Variants in TENM2 observed in about 807,000 individuals in gnomAD.
TENM2 encodes the protein teneurin transmembrane protein 2, also known as teneurin-2.
Under a neutral mutation model 245.2 loss-of-function variants are expected in TENM2, and 52 were observed. That is an observed-to-expected ratio of 0.21 (90% CI 0.17 to 0.27). The LOEUF is 0.27. Ranked by LOEUF, TENM2 falls within the 10% of genes least tolerant of loss-of-function variation. TENM2 has a pLI of 1.00. For synonymous variants in TENM2, 1,363 were observed against 1,438.9 expected, an observed-to-expected ratio of 0.95 and a Z score of 1.19; for missense variants, 3,046 against 3,666.8, an observed-to-expected ratio of 0.83 and a Z score of 4.37.
intron 2 of TENM2, among the ~76,000 whole-genome samples, chr5:167,860,453 G>A (rs1184116696): frequency 8.6e-4 from 104 of 120,414 alleles, no homozygotes; most frequent in East Asian, 3.5e-3. Flanking sequence ...CAGCCGCCCC[G>A]TCCGGGAGGT....
rs545676546 is a variant in TENM2, at chr5:167,584,668, C to T, written c.502+209195C>T. ...CCCTACCCCTCCAGACCGTATTCTC[C>T]CGCCTCACACCTAAGCTTTCTTTAC... is the stretch of plus-strand genomic sequence containing the variant. On this transcript the variant is annotated intron_variant, in intron 2 of 28. Coordinates refer to ENST00000518659, the Ensembl canonical transcript of TENM2. Among the ~76,000 whole-genome samples the T allele has an allele frequency of 3.3e-5, 5 of 151,740 alleles. No individual in the cohort carries two copies. The South Asian group carries it at 1.0e-3, about 32-fold the overall frequency.
the TENM2 span, among the ~76,000 whole-genome samples, chr5:167,108,780 T>A: frequency 6.6e-6 from 1 of 152,216 alleles, no homozygotes; most frequent in Non-Finnish European, 1.5e-5. Context: ...GTAGCCATTT[T>A]TAAATCAGTA....
intron 2 of TENM2, among the ~76,000 whole-genome samples, chr5:167,824,482 AG>A (rs1449729670): frequency 6.6e-6 from 1 of 152,166 alleles, no homozygotes; most frequent in African/African-American, 2.4e-5. Context: ...TTTTTTTAAG[AG>A]AACTGGCCTG....
At chr5:166,985,497 G>T in the TENM2 span, among the ~76,000 whole-genome samples, 1 of 152,008 alleles carries the variant, frequency 6.6e-6, no homozygotes, top group Non-Finnish European at 1.5e-5. Context: ...TATTAGAAAA[G>T]CATTTCACAG....
In TENM2 at chr5:167,293,786, T is replaced by A. The variant is rs185111978; in HGVS notation, c.226+8723T>A. Among the ~76,000 whole-genome samples, 1,171 of 152,264 alleles carry A rather than the reference T, an allele frequency of 7.7e-3. 16 individuals carry two copies. The highest frequency in any genetic ancestry group is 0.026 in the African/African-American group (1,066 of 41,546). On this transcript the variant is annotated intron_variant, in intron 1 of 28. Coordinates refer to ENST00000518659, the Ensembl canonical transcript of TENM2. The stretch of plus-strand genomic sequence containing the variant: ...TGCAACAAAAATTTGGATTTTTTTT[T>A]AAAATTTGTTAGATTCCTGCCTATG...
the TENM2 span, among the ~76,000 whole-genome samples, chr5:167,263,454 G>A: frequency 3.9e-5 from 6 of 152,188 alleles, no homozygotes; most frequent in Non-Finnish European, 7.3e-5. Flanking sequence ...AGCTGAGGAA[G>A]CAGAGAATTC....
intron 4 of TENM2, among the ~76,000 whole-genome samples, chr5:167,980,684 T>G (rs1428017926): frequency 6.6e-6 from 1 of 152,194 alleles, no homozygotes; most frequent in Non-Finnish European, 1.5e-5. Flanking sequence ...AGGAAATGAC[T>G]GACTCCTGTG....
intron 2 of TENM2, among the ~76,000 whole-genome samples, chr5:167,742,142 T>C (rs1761219980): frequency 6.6e-6 from 1 of 152,210 alleles, no homozygotes; most frequent in Non-Finnish European, 1.5e-5. Flanking sequence ...AGTTTTCTTA[T>C]GCTGAGCTTT....
At chr5:168,074,403 A>G (rs1237526247) in intron 7 of TENM2, among the ~76,000 whole-genome samples, 2 of 152,188 alleles carry the variant, frequency 1.3e-5, no homozygotes, top group Non-Finnish European at 2.9e-5. Flanking sequence ...ATGCTTTCCT[A>G]TTATGACAAA....
At chr5:167,022,949 T>C in the TENM2 span, among the ~76,000 whole-genome samples, 1 of 152,236 alleles carries the variant, frequency 6.6e-6, no homozygotes, top group Non-Finnish European at 1.5e-5. Context: ...TAGTAAAGAC[T>C]AAAGCACAAC....
intron 5 of TENM2, among the ~76,000 whole-genome samples, chr5:168,023,383 G>C (rs1786329836): frequency 1.3e-5 from 2 of 152,326 alleles, no homozygotes; most frequent in South Asian, 4.1e-4. Context: ...GTGATGGGAA[G>C]ATGAGCGCCT....
chr5:167,555,107 A>G lies in TENM2; in HGVS notation c.502+179634A>G, dbSNP rs1441358842. On this transcript the variant is annotated intron_variant, in intron 2 of 28. Transcript: ENST00000518659. Reference sequence around the variant, plus strand: ...CGCGTGCACGCACACACACACATGCATACACACATGCACACACAAACACAC... The same window carrying G: ...CGCGTGCACGCACACACACACATGCGTACACACATGCACACACAAACACAC... Among the ~76,000 whole-genome samples, 3 of 152,194 alleles carry G rather than the reference A, an allele frequency of 2.0e-5. 1 individual carries two copies. The highest frequency in any genetic ancestry group is 1.3e-4 in the Admixed American group (2 of 15,276).
At chr5:168,091,884 C>T (rs1036313406) in intron 8 of TENM2, among the ~76,000 whole-genome samples, 1 of 152,204 alleles carries the variant, frequency 6.6e-6, no homozygotes, top group Admixed American at 6.5e-5. Context: ...GGGCAATTCA[C>T]TTATCTCTCT....
At chr5:167,731,132 T>C (rs1760397619) in intron 2 of TENM2, among the ~76,000 whole-genome samples, 1 of 152,012 alleles carries the variant, frequency 6.6e-6, no homozygotes, top group African/African-American at 2.4e-5. Context: ...ATCTTTCACG[T>C]TTTATATTAA....
intron 7 of TENM2, among the ~76,000 whole-genome samples, chr5:168,073,707 C>T (rs892672225): frequency 6.6e-6 from 1 of 152,204 alleles, no homozygotes; most frequent in Non-Finnish European, 1.5e-5. Flanking sequence ...CACACTTTCA[C>T]GTACCTGGGG....
the TENM2 span, among the ~76,000 whole-genome samples, chr5:167,205,715 G>A: frequency 6.6e-6 from 1 of 152,142 alleles, no homozygotes; most frequent in Non-Finnish European, 1.5e-5. Flanking sequence ...TGGGCACAGT[G>A]TAGCTTAGCA....
chr5:167,298,951 T>C (rs1755139266), intron 1 of TENM2, among the ~76,000 whole-genome samples: 1 of 152,116 alleles, frequency 6.6e-6, no homozygotes, highest in Non-Finnish European at 1.5e-5. Context: ...ACAGTCCGAG[T>C]TGGTCTGGTG....
At chr5:167,189,432 A>G in the TENM2 span, among the ~76,000 whole-genome samples, 1 of 152,142 alleles carries the variant, frequency 6.6e-6, no homozygotes, top group Non-Finnish European at 1.5e-5. Context: ...GCCAAATCAC[A>G]GCAAAATTAA....
chr5:167,166,281 CTAAA>C, the TENM2 span, among the ~76,000 whole-genome samples: 1 of 152,106 alleles, frequency 6.6e-6, no homozygotes, highest in Non-Finnish European at 1.5e-5. Flanking sequence ...AAGAAAATAA[CTAAA>C]TGCTCTATTT....
Sources: allele counts gnomAD v4.1 joint callset (sites outside exome capture counted in the v4.1 genomes callset), GRCh38; gene constraint gnomAD v4.1.1; transcripts MANE v1.5; gene names NCBI Gene and HGNC (gene_info 2026-07-23, HGNC 2026-07-21).